SUGCT: variants seen among roughly 807,000 people sequenced by gnomAD.
SUGCT encodes succinyl-CoA:glutarate-CoA transferase, also known as succinyl-CoA:glutarate CoA-transferase.
In SUGCT, 41 loss-of-function variants were observed where a neutral mutation model predicts 55.0. The ratio of observed to expected loss-of-function variants is 0.74; its 90% CI spans 0.58 to 0.97. The LOEUF (loss-of-function observed/expected upper bound fraction) is 0.97. SUGCT is among the 50% of genes least tolerant of loss of function. SUGCT has a pLI of 0.00. For synonymous variants in SUGCT, 187 were observed against 200.4 expected (o/e 0.93, Z 0.56); for missense variants, 568 against 547.8 (o/e 1.04, Z -0.37).
the SUGCT span, among the ~76,000 whole-genome samples, chr7:40,982,252 T>G: frequency 6.6e-6 from 1 of 152,224 alleles, no homozygotes; most frequent in Non-Finnish European, 1.5e-5. Flanking sequence ...AACATTAGAA[T>G]GTTCATAAAT....
intron 9 of SUGCT, among the ~76,000 whole-genome samples, chr7:40,324,021 A>G (rs575435224): frequency 6.6e-6 from 1 of 151,974 alleles, no homozygotes; most frequent in Non-Finnish European, 1.5e-5. Flanking sequence ...ATTCCACTTA[A>G]AATTAATGCA....
At chr7:40,270,677 T>G (rs2150987494) in intron 7 of SUGCT, among the ~76,000 whole-genome samples, 1 of 152,334 alleles carries the variant, frequency 6.6e-6, no homozygotes, top group Admixed American at 6.5e-5. Context: ...TTGGTTATTC[T>G]TTGTTTATGG....
intron 1 of SUGCT, among the ~76,000 whole-genome samples, chr7:40,159,330 C>A (rs1214005044): frequency 1.3e-5 from 2 of 151,940 alleles, no homozygotes; most frequent in East Asian, 3.9e-4. Flanking sequence ...GTTTCTGTGA[C>A]CCTTCTTAGG....
Position 40,405,808 on chromosome 7 carries a change from TAAA to T in SUGCT, c.817-43459_817-43457del, listed in dbSNP as rs60966218. Among the ~76,000 whole-genome samples, 327 of 90,940 alleles carry T rather than the reference TAAA, an allele frequency of 3.6e-3. 1 individual carries two copies. The highest frequency in any genetic ancestry group is 0.027 in the Middle Eastern group (5 of 184). 59.7% of individuals were successfully genotyped at this position (90,940 alleles called of 152,430 possible). A position where few individuals can be genotyped will look rare whatever the true frequency, so the allele number is the denominator to read the frequency against. On this transcript the variant is annotated intron_variant, in intron 9 of 13. Coordinates refer to ENST00000335693, the MANE Select transcript of SUGCT (RefSeq NM_001193313.2). ...TTGGGTGACAGAGCAAGACTCTGTC[TAAA>T]AAAAAAAAAAAAAAAAAAAGAAAAA... is the stretch of plus-strand genomic sequence containing the variant.
In SUGCT at chr7:40,443,500, T is replaced by A. The variant is rs990067831; in HGVS notation, c.817-5787T>A. On this transcript the variant is annotated intron_variant, in intron 9 of 13. Transcript: ENST00000335693. ...GATGATGAGCATTTTTTCATGTGTCTGTTGGCTGCATAAATATCTTCTTTT... is the reference window on the plus strand; with the variant it reads ...GATGATGAGCATTTTTTCATGTGTCAGTTGGCTGCATAAATATCTTCTTTT... Among the ~76,000 whole-genome samples, 11 of 152,250 alleles carry A rather than the reference T, an allele frequency of 7.2e-5. No homozygotes were observed. In the South Asian group the frequency reaches 2.3e-3, roughly 32 times the overall value.
chr7:40,592,867 G>T (rs1367631262), intron 12 of SUGCT, among the ~76,000 whole-genome samples: 2 of 152,180 alleles, frequency 1.3e-5, no homozygotes, highest in African/African-American at 2.4e-5. Flanking sequence ...GTCCCTAGAG[G>T]TCAGGGATAT....
At chr7:40,781,899 T>C (rs1343831042) in intron 13 of SUGCT, among the ~76,000 whole-genome samples, 1 of 152,168 alleles carries the variant, frequency 6.6e-6, no homozygotes, top group Non-Finnish European at 1.5e-5. Context: ...TTTTGTAATA[T>C]TCAAGCTTTT....
chr7:40,149,169 G>T (rs1275817605), intron 1 of SUGCT, among the ~76,000 whole-genome samples: 1 of 152,058 alleles, frequency 6.6e-6, no homozygotes, highest in Non-Finnish European at 1.5e-5. Flanking sequence ...AAATAAGCAT[G>T]TAGCTTATTT....
At chr7:40,798,008 G>A (rs547821761) in intron 13 of SUGCT, among the ~76,000 whole-genome samples, 7 of 152,158 alleles carry the variant, frequency 4.6e-5, no homozygotes, top group South Asian at 2.1e-4. Context: ...TGCTTCAAAC[G>A]TGCATCCCCT....
chr7:40,188,434 C>CCAAAAAA (rs746391689), intron 3 of SUGCT, 61 bp from the exon 4 acceptor site: 30 of 601,924 alleles, frequency 5.0e-5, no homozygotes, highest in Admixed American at 2.2e-4. Flanking sequence ...ACTCCATCTC[C>CCAAAAAA]AAAAAAAAAA....
intron 6 of SUGCT, among the ~76,000 whole-genome samples, chr7:40,212,534 A>ATT (rs373732440): frequency 1.3e-5 from 2 of 148,930 alleles, no homozygotes; most frequent in African/African-American, 4.9e-5. Flanking sequence ...ATAGTTCAAT[A>ATT]TTTTTTTTTT....
At chr7:40,674,705 CCAGA>C (rs1358259839) in intron 12 of SUGCT, among the ~76,000 whole-genome samples, 4 of 152,008 alleles carry the variant, frequency 2.6e-5, no homozygotes, top group Non-Finnish European at 5.9e-5. Flanking sequence ...ATGAAGAAAT[CCAGA>C]CAGTCTGGTT....
chr7:40,887,218 C>T, the SUGCT span, among the ~76,000 whole-genome samples: 1 of 152,222 alleles, frequency 6.6e-6, no homozygotes, highest in Non-Finnish European at 1.5e-5. Flanking sequence ...ATTAATATTT[C>T]TAAATAAAAT....
At chr7:40,592,588 T>C (rs1027459629) in intron 12 of SUGCT, among the ~76,000 whole-genome samples, 1 of 152,270 alleles carries the variant, frequency 6.6e-6, no homozygotes, top group East Asian at 1.9e-4. Context: ...TGTGTGATAT[T>C]TGGAGAATGT....
At chr7:40,429,907 TTAAG>T (rs1232767901) in intron 9 of SUGCT, among the ~76,000 whole-genome samples, 7 of 152,216 alleles carry the variant, frequency 4.6e-5, no homozygotes, top group Admixed American at 1.3e-4. Flanking sequence ...ATGCCACATA[TTAAG>T]TGAGATTATG....
intron 13 of SUGCT, chr7:40,793,131 A>G (rs1282862768): frequency 1.3e-5 from 2 of 152,088 alleles, no homozygotes; most frequent in Non-Finnish European, 2.9e-5. Flanking sequence ...CATTATACTT[A>G]TAAATTTGAT....
intron 7 of SUGCT, among the ~76,000 whole-genome samples, chr7:40,258,931 A>T (rs1374315608): frequency 6.6e-6 from 1 of 152,214 alleles, no homozygotes; most frequent in Non-Finnish European, 1.5e-5. Context: ...TGAATGAATA[A>T]ATGGATAAAG....
At chr7:40,386,370 A>C (rs1785129496) in intron 9 of SUGCT, among the ~76,000 whole-genome samples, 1 of 152,246 alleles carries the variant, frequency 6.6e-6, no homozygotes, top group Non-Finnish European at 1.5e-5. Context: ...AATCTCAGTT[A>C]TAATGGGGCT....
chr7:40,323,878 C>T (rs570351489), intron 9 of SUGCT, among the ~76,000 whole-genome samples: 1 of 152,218 alleles, frequency 6.6e-6, no homozygotes, highest in Admixed American at 6.5e-5. Flanking sequence ...TCAAGTGGCC[C>T]CTCGGGCTTA....
Sources: gnomAD v4.1 joint callset for allele counts (sites outside exome capture counted in the v4.1 genomes callset) on GRCh38, gnomAD v4.1.1 for gene constraint, MANE v1.5 for transcripts, NCBI Gene and HGNC (gene_info 2026-07-23, HGNC 2026-07-21) for gene names.